Variants in SPAG9 observed in about 807,000 individuals in gnomAD.
The protein encoded by SPAG9 is sperm associated antigen 9, also known as C-Jun-amino-terminal kinase-interacting protein 4.
A neutral mutation model predicts 166.5 loss-of-function variants in SPAG9; 35 were observed. That is an observed-to-expected ratio of 0.21 (90% CI 0.16 to 0.28). The LOEUF (loss-of-function observed/expected upper bound fraction) is 0.28, where lower values mean the gene tolerates loss of function less well. Among genes scored for constraint, SPAG9 ranks in the 10% least tolerant of loss-of-function variants. The pLI is 1.00. For missense variants in SPAG9, 1,235 were observed against 1,603.3 expected (o/e 0.77, Z 3.92); for synonymous variants, 534 against 565.5 (o/e 0.94, Z 0.79).
At chr17:51,078,967 T>C (rs1598142469) in intron 2 of SPAG9, among the ~76,000 whole-genome samples, 1 of 152,078 alleles carries the variant, frequency 6.6e-6, no homozygotes, top group Admixed American at 6.6e-5. Flanking sequence ...GAGGAAATGA[T>C]CCACACATAC....
In SPAG9 at chr17:51,006,247, A is replaced by G; in HGVS notation, c.1272-10T>C. 1 of 1,612,366 alleles carries G rather than the reference A, an allele frequency of 6.2e-7. No homozygotes were observed. The highest frequency in any genetic ancestry group is 8.5e-7 in the Non-Finnish European group (1 of 1,178,944). Reference sequence around the variant, plus strand: ...TATGTTCAAAGCATTTCTAAGAAACACATATTTCAAGTGCATCATTACAAA... The same window carrying G: ...TATGTTCAAAGCATTTCTAAGAAACGCATATTTCAAGTGCATCATTACAAA... On this transcript the variant is annotated splice_polypyrimidine_tract_variant and intron_variant, in intron 10 of 29. Coordinates refer to ENST00000262013, the MANE Select transcript of SPAG9 (RefSeq NM_001130528.3).
intron 28 of SPAG9, among the ~76,000 whole-genome samples, chr17:50,972,746 C>A (rs1193902141): frequency 6.6e-6 from 1 of 152,220 alleles, no homozygotes; most frequent in Non-Finnish European, 1.5e-5. Flanking sequence ...GGGATTCATT[C>A]ATGCATTACT....
intron 2 of SPAG9, among the ~76,000 whole-genome samples, chr17:51,074,477 G>A (rs559602725): frequency 2.2e-4 from 34 of 152,228 alleles, no homozygotes; most frequent in African/African-American, 7.5e-4. Flanking sequence ...GCATCTGAAC[G>A]GTCAATTTTG....
At chr17:51,081,722 A>C (rs2048169694) in intron 1 of SPAG9, among the ~76,000 whole-genome samples, 1 of 152,054 alleles carries the variant, frequency 6.6e-6, no homozygotes, top group African/African-American at 2.4e-5. Context: ...AGCCTGAGCA[A>C]CAAGAGCAAA....
intron 25 of SPAG9, among the ~76,000 whole-genome samples, chr17:50,981,518 AT>A (rs1234440867): frequency 3.5e-4 from 53 of 149,492 alleles, no homozygotes; most frequent in Admixed American, 1.0e-3. Flanking sequence ...AGATAGATAG[AT>A]AGATAGATAG....
intron 2 of SPAG9, among the ~76,000 whole-genome samples, chr17:51,075,723 C>A (rs1454877566): frequency 6.6e-6 from 1 of 152,000 alleles, no homozygotes; most frequent in Non-Finnish European, 1.5e-5. Flanking sequence ...ATTTGGGAGG[C>A]TAAGGTGGGA....
chr17:50,974,569 G>A (rs1044923244), intron 28 of SPAG9, among the ~76,000 whole-genome samples: 1 of 152,160 alleles, frequency 6.6e-6, no homozygotes, highest in African/African-American at 2.4e-5. Context: ...TTATCTTTGG[G>A]GGTGGGAGAG....
At chr17:51,075,101 C>T (rs1055747558) in intron 2 of SPAG9, among the ~76,000 whole-genome samples, 2 of 143,300 alleles carry the variant, frequency 1.4e-5, no homozygotes, top group Non-Finnish European at 3.0e-5. Flanking sequence ...GAGGCTGAGG[C>T]AGGAAAATCG....
intron 1 of SPAG9, among the ~76,000 whole-genome samples, chr17:51,088,891 G>A (rs1478582725): frequency 1.4e-5 from 2 of 148,082 alleles, no homozygotes; most frequent in Non-Finnish European, 3.0e-5. Context: ...TCAAGAGATG[G>A]AGACCACTCT....
At chr17:50,979,953 C>T (rs1974473375) in intron 25 of SPAG9, 36 bp from the exon 26 acceptor site, 1 of 1,592,784 alleles carries the variant, frequency 6.3e-7, no homozygotes, top group Non-Finnish European at 8.6e-7. Context: ...GTTACTTTTG[C>T]TACATAGAAT....
chr17:51,040,272 C>T (rs183203532), intron 5 of SPAG9, among the ~76,000 whole-genome samples: 5 of 149,612 alleles, frequency 3.3e-5, no homozygotes, highest in Non-Finnish European at 3.0e-5. Context: ...AAAGTGAGAG[C>T]GAGCGAGTTG....
At chr17:51,114,881 G>A (rs2049238536) in intron 1 of SPAG9, among the ~76,000 whole-genome samples, 1 of 152,004 alleles carries the variant, frequency 6.6e-6, no homozygotes, top group South Asian at 2.1e-4. Context: ...GAACCTGGGA[G>A]GCAGAGGTTG....
rs1458682201 is a variant in SPAG9, at chr17:51,006,122, C to G, written c.1387G>C (p.Glu463Gln). ...EAVKQAKLKL[E>Q]EKNRELEEEL... ...TCCTCCAATTCTCTGTTCTTTTCCT[C>G]TAGTTTCAGTTTGGCTTGCTTCACA... is the stretch of plus-strand genomic sequence containing the variant. The change falls in exon 11 of 30, where the codon GAG becomes CAG. Residue 463 changes from glutamate to glutamine, a missense_variant. By Grantham distance (29) the Glu-to-Gln change is conservative. Transcript: ENST00000262013. 2 of 1,614,092 alleles carry G rather than the reference C, an allele frequency of 1.2e-6. No homozygotes were observed. The highest frequency in any genetic ancestry group is 2.2e-5 in the East Asian group (1 of 44,904).
At chr17:51,085,327 C>T (rs2048277938) in intron 1 of SPAG9, 1 of 152,240 alleles carries the variant, frequency 6.6e-6, no homozygotes, top group South Asian at 2.1e-4. Flanking sequence ...CACAGTTTCA[C>T]ATCTGCTTTG....
intron 1 of SPAG9, among the ~76,000 whole-genome samples, chr17:51,089,821 C>T (rs2048417609): frequency 1.3e-5 from 2 of 150,358 alleles, no homozygotes; most frequent in African/African-American, 4.9e-5. Context: ...GGATTACAGG[C>T]ACCCACCACC....
intron 2 of SPAG9, among the ~76,000 whole-genome samples, chr17:51,078,915 CAAAACAG>C (rs2048088685): frequency 6.6e-6 from 1 of 151,816 alleles, no homozygotes; most frequent in African/African-American, 2.4e-5. Context: ...CATTTCAAAG[CAAAACAG>C]AAAAAATGGA....
intron 4 of SPAG9, chr17:51,047,029 T>C: frequency 1.3e-6 from 1 of 752,774 alleles, no homozygotes; most frequent in Non-Finnish European, 1.6e-6. Context: ...CAAACATGCC[T>C]CTCTGTAACA....
intron 29 of SPAG9, among the ~76,000 whole-genome samples, chr17:50,970,379 T>C (rs975878630): frequency 6.6e-6 from 1 of 151,680 alleles, no homozygotes; most frequent in Admixed American, 6.6e-5. Flanking sequence ...CCAGATGTGG[T>C]GGTGCATGTC....
intron 1 of SPAG9, among the ~76,000 whole-genome samples, chr17:51,082,404 A>AAAAAC (rs2048191436): frequency 7.1e-6 from 1 of 141,632 alleles, no homozygotes; most frequent in African/African-American, 2.6e-5. Context: ...AAAAAAAAAA[A>AAAAAC]CCTGTGATAC....
Sources: allele counts gnomAD v4.1 joint callset (sites outside exome capture counted in the v4.1 genomes callset), GRCh38; gene constraint gnomAD v4.1.1; transcripts MANE v1.5; gene names NCBI Gene and HGNC (gene_info 2026-07-23, HGNC 2026-07-21).